GSG1L: variants seen among roughly 807,000 people sequenced by gnomAD.
The protein encoded by GSG1L is germ cell-specific gene 1-like protein.
A neutral mutation model predicts 42.1 loss-of-function variants in GSG1L; 24 were observed. The ratio of observed to expected loss-of-function variants is 0.57; its 90% CI spans 0.41 to 0.80. The LOEUF (loss-of-function observed/expected upper bound fraction) is 0.80. Ranked by LOEUF, GSG1L falls within the 30% of genes least tolerant of loss-of-function variation. The probability of loss-of-function intolerance (pLI) is 0.00; values close to 1 mark genes in which losing one functional copy is unlikely to be tolerated. For synonymous variants in GSG1L, 215 were observed against 203.5 expected (o/e 1.06, Z -0.48); for missense variants, 445 against 472.2 (o/e 0.94, Z 0.53).
intron 5 of GSG1L, among the ~76,000 whole-genome samples, chr16:27,825,749 A>G (rs1280978152): frequency 9.8e-5 from 13 of 132,430 alleles, no homozygotes; most frequent in Admixed American, 9.3e-4. Flanking sequence ...TCATGGGGAC[A>G]GTACCCCTAA....
chr16:27,963,472 C>A (rs1316203022), intron 1 of GSG1L, among the ~76,000 whole-genome samples: 2 of 152,138 alleles, frequency 1.3e-5, no homozygotes, highest in Non-Finnish European at 2.9e-5. Context: ...CAGCCTCCCC[C>A]CAGAATCCAC....
chr16:27,909,381 C>CA (rs1454206236), intron 2 of GSG1L, among the ~76,000 whole-genome samples: 13 of 117,808 alleles, frequency 1.1e-4, no homozygotes, highest in African/African-American at 3.9e-4. Context: ...TCTTCTTTTT[C>CA]TTTTTTTTTT....
chr16:27,869,753 T>TTCTC (rs368954362), intron 3 of GSG1L, among the ~76,000 whole-genome samples: 1,436 of 88,132 alleles, frequency 0.016, no homozygotes, highest in East Asian at 0.047. Flanking sequence ...CTCTCTCTCC[T>TTCTC]TCTCTGTCTC....
chr16:27,994,507 A>G (rs187586901), intron 1 of GSG1L, among the ~76,000 whole-genome samples: 7 of 152,284 alleles, frequency 4.6e-5, no homozygotes, highest in Non-Finnish European at 1.0e-4. Flanking sequence ...AAAGACCACA[A>G]TATCCAGCTA....
chr16:27,795,240 C>T (rs141775553), intron 6 of GSG1L, among the ~76,000 whole-genome samples: 3 of 151,988 alleles, frequency 2.0e-5, no homozygotes, highest in East Asian at 1.9e-4. Flanking sequence ...GTGATTCCTG[C>T]GCTTGGGATG....
intron 3 of GSG1L, among the ~76,000 whole-genome samples, chr16:27,846,729 C>A (rs1169146759): frequency 6.6e-6 from 1 of 151,994 alleles, no homozygotes; most frequent in African/African-American, 2.4e-5. Flanking sequence ...CCGAGGCATG[C>A]GGATCACGAG....
At chr16:27,833,751 A>G (rs1383325902) in intron 4 of GSG1L, among the ~76,000 whole-genome samples, 1 of 152,136 alleles carries the variant, frequency 6.6e-6, no homozygotes, top group Non-Finnish European at 1.5e-5. Context: ...GTTCATTGCT[A>G]GTTTATAAAA....
At chr16:27,913,109 C>T (rs966590163) in intron 2 of GSG1L, among the ~76,000 whole-genome samples, 1 of 152,082 alleles carries the variant, frequency 6.6e-6, no homozygotes, top group Non-Finnish European at 1.5e-5. Context: ...AGGTGTAAGC[C>T]ACCACGCCTG....
chr16:28,063,211 C>T lies in GSG1L; in HGVS notation c.214G>A (p.Ala72Thr), dbSNP rs1377182615. Residue 72 changes from alanine (A) to threonine (T), a missense_variant, in exon 1 of 7, where the codon GCC becomes ACC. Physicochemically the swap from Ala to Thr is moderately conservative, Grantham distance 58. This residue lies in a region of GSG1L where 156 missense variants were observed against 128.3 expected (regional missense o/e 1.22). Transcript: ENST00000447459. The surrounding 1 kb of genome is among the most constrained non-coding windows in gnomAD (Gnocchi z 5.8). Reference sequence around the variant, plus strand: ...CCGTTCCCCGAGGCGGTGGCGGCGGCGGCGGCGGCGGCGGGGGCGGCGGTG... The same window carrying T: ...CCGTTCCCCGAGGCGGTGGCGGCGGTGGCGGCGGCGGCGGGGGCGGCGGTG... ...NGTAAPAAAA[A>T]AATASGNGPP... 4 of 1,260,306 alleles carry T rather than the reference C, an allele frequency of 3.2e-6. No individual in the cohort carries two copies. Among genetic ancestry groups the T allele is most frequent in the South Asian group, 2.8e-5 (1 of 35,888 alleles). The allele number at this position is 1,260,306 out of a possible 1,614,324, so 78.1% of individuals were successfully genotyped here. A position where few individuals can be genotyped will look rare whatever the true frequency, so the allele number is the denominator to read the frequency against.
At chr16:27,800,742 G>C (rs1453608835) in intron 6 of GSG1L, among the ~76,000 whole-genome samples, 1 of 152,204 alleles carries the variant, frequency 6.6e-6, no homozygotes, top group Admixed American at 6.5e-5. Context: ...TCTCAGATGG[G>C]AGGTGGTGGG....
intron 1 of GSG1L, among the ~76,000 whole-genome samples, chr16:27,965,696 T>C (rs1277042979): frequency 6.6e-6 from 1 of 152,204 alleles, no homozygotes; most frequent in Non-Finnish European, 1.5e-5. Context: ...AGCTTCCCAA[T>C]GCGTCTAGCA....
At chr16:27,893,910 A>T (rs1485736193) in intron 2 of GSG1L, among the ~76,000 whole-genome samples, 1 of 152,130 alleles carries the variant, frequency 6.6e-6, no homozygotes, top group Non-Finnish European at 1.5e-5. Flanking sequence ...GCACCACTAC[A>T]TGCAGCTAAT....
At chr16:28,022,990 G>A (rs1468682090) in intron 1 of GSG1L, among the ~76,000 whole-genome samples, 1 of 151,932 alleles carries the variant, frequency 6.6e-6, no homozygotes, top group Non-Finnish European at 1.5e-5. Context: ...TAATTTTTTT[G>A]TTTGTTTTTT....
intron 2 of GSG1L, among the ~76,000 whole-genome samples, chr16:27,933,553 G>A (rs2084679301): frequency 6.6e-6 from 1 of 150,656 alleles, no homozygotes; most frequent in Admixed American, 6.7e-5. Context: ...GGAGGCTAAG[G>A]CAGGAGGATT....
At chr16:27,918,526 G>A (rs146372552) in intron 2 of GSG1L, among the ~76,000 whole-genome samples, 1,721 of 152,148 alleles carry the variant, frequency 0.011, 17 homozygotes, top group Non-Finnish European at 0.017. Context: ...AGGCATGGTG[G>A]CGGGCGCCTG....
At chr16:28,048,525 G>A (rs2086189724) in intron 1 of GSG1L, among the ~76,000 whole-genome samples, 1 of 152,078 alleles carries the variant, frequency 6.6e-6, no homozygotes, top group African/African-American at 2.4e-5. Flanking sequence ...GCCTCCCAAA[G>A]TGCTGGGATT....
chr16:27,803,044 C>T (rs527871779), intron 6 of GSG1L, among the ~76,000 whole-genome samples: 2 of 151,954 alleles, frequency 1.3e-5, no homozygotes, highest in Admixed American at 6.5e-5. Context: ...ACAGACAAAG[C>T]AACATTGCCC....
At chr16:27,892,529 C>T (rs1349334562) in intron 2 of GSG1L, among the ~76,000 whole-genome samples, 2 of 152,002 alleles carry the variant, frequency 1.3e-5, no homozygotes, top group African/African-American at 4.8e-5. Flanking sequence ...TTTGGGAGGC[C>T]GAAGCAGGCA....
At chr16:27,980,468 C>T (rs1379159312) in intron 1 of GSG1L, among the ~76,000 whole-genome samples, 2 of 152,138 alleles carry the variant, frequency 1.3e-5, no homozygotes, top group African/African-American at 2.4e-5. Context: ...GCCAATAACA[C>T]GTGCTGACAT....
Sources: gnomAD v4.1 joint callset for allele counts (sites outside exome capture counted in the v4.1 genomes callset) on GRCh38, gnomAD v4.1.1 for gene constraint, gnomAD v4.1.1 regional missense constraint, Gnocchi (gnomAD v3.1) non-coding constraint, MANE v1.5 for transcripts, NCBI Gene and HGNC (gene_info 2026-07-23, HGNC 2026-07-21) for gene names.